Variants in RPS6KA2 observed in about 807,000 individuals in gnomAD.
RPS6KA2 encodes ribosomal protein S6 kinase alpha-2.
Under a neutral mutation model 91.8 loss-of-function variants are expected in RPS6KA2, and 42 were observed. The observed-to-expected ratio is 0.46, with a 90% CI of 0.36 to 0.59. The LOEUF (loss-of-function observed/expected upper bound fraction) is 0.59, where lower values mean the gene tolerates loss of function less well. Ranked by LOEUF, RPS6KA2 falls within the 20% of genes least tolerant of loss-of-function variation. The pLI is 0.00. For missense variants in RPS6KA2, 798 were observed against 978.5 expected (o/e 0.82, Z 2.46); for synonymous variants, 414 against 393.6 (o/e 1.05, Z -0.61).
At chr6:166,570,778 A>T (rs916453436) in intron 1 of RPS6KA2, among the ~76,000 whole-genome samples, 1 of 152,234 alleles carries the variant, frequency 6.6e-6, no homozygotes, top group Non-Finnish European at 1.5e-5. Context: ...AAATATTAAA[A>T]ATAACAACTA....
intron 11 of RPS6KA2, among the ~76,000 whole-genome samples, chr6:166,462,534 C>T (rs1382920162): frequency 1.3e-5 from 2 of 152,216 alleles, no homozygotes; most frequent in East Asian, 3.9e-4. Flanking sequence ...GTATCTGCTG[C>T]TAAGTCAGGT....
chr6:166,699,994 A>G (rs747826723), intron 2 of RPS6KA2, among the ~76,000 whole-genome samples: 1 of 152,230 alleles, frequency 6.6e-6, no homozygotes, highest in Non-Finnish European at 1.5e-5. Context: ...ATTGGTCTGA[A>G]GTGTACTGGC....
chr6:166,832,036 T>TGATAGACA (rs1780198980), intron 2 of RPS6KA2, among the ~76,000 whole-genome samples: 1 of 147,938 alleles, frequency 6.8e-6, no homozygotes, highest in African/African-American at 2.5e-5. Flanking sequence ...AGATGATACA[T>TGATAGACA]GATAGATAGA....
At chr6:166,431,519 G>A (rs1232858100) in intron 15 of RPS6KA2, among the ~76,000 whole-genome samples, 1 of 152,214 alleles carries the variant, frequency 6.6e-6, no homozygotes, top group Non-Finnish European at 1.5e-5. Flanking sequence ...TATCAGAGCC[G>A]TGCTGTTGCT....
chr6:166,464,835 C>T (rs1302765740), intron 11 of RPS6KA2, among the ~76,000 whole-genome samples: 2 of 152,128 alleles, frequency 1.3e-5, no homozygotes, highest in African/African-American at 2.4e-5. Context: ...GAATGGCTCC[C>T]GTGCAGACGT....
intron 3 of RPS6KA2, among the ~76,000 whole-genome samples, 170 bp from the exon 4 acceptor site, chr6:166,510,527 G>A (rs570577328): frequency 5.4e-5 from 5 of 93,266 alleles, no homozygotes; most frequent in East Asian, 3.6e-4. Flanking sequence ...AACTGCTTAC[G>A]TTTTAATACA....
chr6:166,523,730 A>G (rs1047166527), intron 3 of RPS6KA2, among the ~76,000 whole-genome samples: 1 of 152,240 alleles, frequency 6.6e-6, no homozygotes, highest in Non-Finnish European at 1.5e-5. Context: ...CAATCTGTTC[A>G]AGCTACCAGA....
intron 2 of RPS6KA2, among the ~76,000 whole-genome samples, chr6:166,853,935 C>T (rs1583181306): frequency 6.6e-6 from 1 of 152,234 alleles, no homozygotes; most frequent in East Asian, 1.9e-4. Flanking sequence ...CGCCTGCTCA[C>T]AGGAGTCATT....
intron 2 of RPS6KA2, among the ~76,000 whole-genome samples, chr6:166,685,216 T>C (rs1788972399): frequency 7.3e-6 from 1 of 137,856 alleles, no homozygotes; most frequent in African/African-American, 2.8e-5. Context: ...CCTGATGGAG[T>C]GTGGAGTGTG....
chr6:166,474,627 G>A (rs1016801960), intron 10 of RPS6KA2, among the ~76,000 whole-genome samples: 13 of 144,462 alleles, frequency 9.0e-5, no homozygotes, highest in Admixed American at 6.7e-4. Context: ...GGGGGAAGTC[G>A]GGAGATAACA....
intron 14 of RPS6KA2, among the ~76,000 whole-genome samples, chr6:166,447,970 T>G (rs1779732005): frequency 6.6e-6 from 1 of 152,188 alleles, no homozygotes; most frequent in African/African-American, 2.4e-5. Context: ...TAACATAAAT[T>G]TCATTCTGAT....
chr6:166,683,055 C>A lies in RPS6KA2; in HGVS notation c.124-144271G>T, dbSNP rs371291351. On this transcript the variant is annotated intron_variant, in intron 2 of 21. Coordinates refer to the RPS6KA2 transcript ENST00000503859. Reference sequence around the variant, plus strand: ...TCAGATGGGTCTCGCCGCTTGCCCTCGGTGAAGCCCAGCCTGAGACCACAG... The same window carrying A: ...TCAGATGGGTCTCGCCGCTTGCCCTAGGTGAAGCCCAGCCTGAGACCACAG... Among the ~76,000 whole-genome samples, 107 of 152,310 alleles carry A rather than the reference C, an allele frequency of 7.0e-4. 1 individual carries two copies. The highest frequency in any genetic ancestry group is 1.2e-3 in the Non-Finnish European group (83 of 68,024).
intron 1 of RPS6KA2, among the ~76,000 whole-genome samples, chr6:166,577,855 C>A (rs926552179): frequency 6.6e-6 from 1 of 152,160 alleles, no homozygotes; most frequent in African/African-American, 2.4e-5. Context: ...ATCCAAATCT[C>A]ATCTTGAATT....
Position 166,531,257 on chromosome 6 carries a change from C to T in RPS6KA2, c.273G>A (p.Lys91=). The part of the protein sequence containing the change: ...GSDAGQLYAM[K]VLKKATLKVR... Reference sequence around the variant, plus strand: ...CTTTTAGGGTGGCTTTCTTAAGGACCTTCATGGCGTAGAGCTGCCCAGCGT... The same window carrying T: ...CTTTTAGGGTGGCTTTCTTAAGGACTTTCATGGCGTAGAGCTGCCCAGCGT... Residue 91 remains lysine (K), a synonymous_variant, in exon 3 of 21, where the codon AAG becomes AAA. Coordinates refer to ENST00000265678, the MANE Select transcript of RPS6KA2 (RefSeq NM_021135.6). 1.2e-6 allele frequency: 2 copies of T among 1,614,100 alleles called. No homozygotes were observed. Among genetic ancestry groups the T allele is most frequent in the Non-Finnish European group, 1.7e-6 (2 of 1,179,980 alleles).
intron 2 of RPS6KA2, among the ~76,000 whole-genome samples, chr6:166,777,132 C>T (rs1030508894): frequency 5.3e-5 from 8 of 152,236 alleles, no homozygotes; most frequent in South Asian, 4.1e-4. Flanking sequence ...GAGGTTGCTG[C>T]GGGAGGCCTG....
At chr6:166,647,391 T>C (rs1462886132) in intron 2 of RPS6KA2, among the ~76,000 whole-genome samples, 2 of 152,148 alleles carry the variant, frequency 1.3e-5, no homozygotes, top group Non-Finnish European at 2.9e-5. Context: ...TTAGTGCAGT[T>C]CTCTGCTGGT....
chr6:166,802,324 A>T (rs1362217636), intron 2 of RPS6KA2, among the ~76,000 whole-genome samples: 1 of 152,174 alleles, frequency 6.6e-6, no homozygotes, highest in Non-Finnish European at 1.5e-5. Context: ...AGAGTAAAGA[A>T]GGAAATTACT....
chr6:166,747,496 G>T (rs569039235), intron 2 of RPS6KA2, among the ~76,000 whole-genome samples: 12 of 152,064 alleles, frequency 7.9e-5, no homozygotes, highest in Non-Finnish European at 1.5e-4. Flanking sequence ...AATGCACATC[G>T]CATGTCTTAG....
chr6:166,750,778 A>T (rs1279372345), intron 2 of RPS6KA2, among the ~76,000 whole-genome samples: 1 of 152,216 alleles, frequency 6.6e-6, no homozygotes, highest in Admixed American at 6.5e-5. Context: ...CATACTGAGG[A>T]GGTCAGGAAC....
Sources: gnomAD v4.1 joint callset for allele counts (sites outside exome capture counted in the v4.1 genomes callset) on GRCh38, gnomAD v4.1.1 for gene constraint, MANE v1.5 for transcripts, NCBI Gene and HGNC (gene_info 2026-07-23, HGNC 2026-07-21) for gene names.